The following RNF144A variants were observed in gnomAD, a reference collection of about 807,000 sequenced individuals.
RNF144A encodes the protein E3 ubiquitin-protein ligase RNF144A.
RNF144A carries 11 observed loss-of-function variants against 38.7 expected under a neutral mutation model. The ratio of observed to expected loss-of-function variants is 0.28; its 90% confidence interval spans 0.18 to 0.47. The LOEUF (loss-of-function observed/expected upper bound fraction) is 0.47. Ranked by LOEUF, RNF144A falls within the 20% of genes least tolerant of loss-of-function variation. The pLI is 0.99. For synonymous variants in RNF144A, 149 were observed against 143.9 expected (o/e 1.04, Z -0.25); for missense variants, 316 against 377.2 (o/e 0.84, Z 1.34).
At chr2:6,936,407 G>A (rs1302714025) in intron 1 of RNF144A, among the ~76,000 whole-genome samples, 3 of 152,134 alleles carry the variant, frequency 2.0e-5, no homozygotes, top group Admixed American at 2.0e-4. Flanking sequence ...GCATGTGTGT[G>A]TGTGTATAGA....
chr2:6,996,144 A>G (rs1572362955), intron 2 of RNF144A, among the ~76,000 whole-genome samples: 1 of 152,094 alleles, frequency 6.6e-6, no homozygotes, highest in African/African-American at 2.4e-5. Context: ...TTGGACGTCT[A>G]CCTTCTTTCC....
chr2:7,012,499 C>T (rs1670882851), intron 3 of RNF144A, among the ~76,000 whole-genome samples: 1 of 152,216 alleles, frequency 6.6e-6, no homozygotes, highest in South Asian at 2.1e-4. Flanking sequence ...CTGTCTGGCT[C>T]TGAAGCCTAC....
chr2:7,055,505 G>A, intron 6 of RNF144A, among the ~76,000 whole-genome samples: 1 of 152,066 alleles, frequency 6.6e-6, no homozygotes, highest in Non-Finnish European at 1.5e-5. Flanking sequence ...GACCTCTTTA[G>A]CACTCACACA....
At chr2:7,012,092 G>T (rs940696527) in intron 3 of RNF144A, among the ~76,000 whole-genome samples, 2 of 152,188 alleles carry the variant, frequency 1.3e-5, no homozygotes, top group African/African-American at 4.8e-5. Context: ...TATCCTGAGA[G>T]TCTTCAGCAT....
chr2:7,023,155 G>T (rs2103433323), intron 6 of RNF144A, among the ~76,000 whole-genome samples: 1 of 152,286 alleles, frequency 6.6e-6, no homozygotes, highest in East Asian at 1.9e-4. Flanking sequence ...AAGACTCTGT[G>T]CTCCTAATTA....
chr2:7,024,499 T>G lies in RNF144A; in HGVS notation c.640T>G (p.Cys214Gly), dbSNP rs746122486. ...KNCKHAFCWY[C>G]LESLDDDFLL... ...CTGCAAGCACGCCTTCTGCTGGTAC[T>G]GCCTGGAGTCTCTGGACGTGAGTAC... The change falls in exon 7 of 9, where the codon TGC (cysteine) becomes GGC (glycine). Residue 214 changes from cysteine to glycine, a missense_variant. Cys to Gly is a radical substitution (Grantham distance 159). Transcript: ENST00000320892. 6.2e-7 allele frequency: 1 copy of G among 1,609,638 alleles called. No homozygotes were observed. Among genetic ancestry groups the G allele is most frequent in the South Asian group, 1.1e-5 (1 of 91,002 alleles).
chr2:6,985,346 T>C (rs1221020874), intron 2 of RNF144A, among the ~76,000 whole-genome samples: 3 of 151,574 alleles, frequency 2.0e-5, no homozygotes, highest in African/African-American at 4.9e-5. Context: ...GGGCTTTGAT[T>C]ATTATTATTA....
At chr2:6,921,213 A>G (rs924595900) in intron 1 of RNF144A, among the ~76,000 whole-genome samples, 1 of 152,220 alleles carries the variant, frequency 6.6e-6, no homozygotes, top group African/African-American at 2.4e-5. Context: ...AAATAACCCA[A>G]GACCTGAATT....
chr2:7,026,810 G>A (rs919672912), intron 7 of RNF144A, among the ~76,000 whole-genome samples: 3 of 152,164 alleles, frequency 2.0e-5, no homozygotes, highest in African/African-American at 7.2e-5. Context: ...TCCCTGTCCA[G>A]CTCCACCCTA....
chr2:7,066,239 T>C (rs542029199), intron 6 of RNF144A, among the ~76,000 whole-genome samples: 3 of 151,904 alleles, frequency 2.0e-5, no homozygotes, highest in Non-Finnish European at 4.4e-5. Flanking sequence ...AGGCGCCCAC[T>C]ATCACGCCCA....
At chr2:6,927,686 G>A (rs1263022405) in intron 1 of RNF144A, among the ~76,000 whole-genome samples, 2 of 152,192 alleles carry the variant, frequency 1.3e-5, no homozygotes, top group East Asian at 3.8e-4. Flanking sequence ...GCTGTCAGTG[G>A]GTTTTGGGTG....
rs909411648 is a variant in RNF144A at position 7,043,213 on chromosome 2, A to G, written c.*3453A>G. ...AATGATCTTGACAACATATTATTCCATAAAACCAGTTTAGGGCACAGGCCA... is the reference window on the plus strand; with the variant it reads ...AATGATCTTGACAACATATTATTCCGTAAAACCAGTTTAGGGCACAGGCCA... On this transcript the variant is annotated 3_prime_UTR_variant, in exon 9 of 9. Transcript: ENST00000320892. 6.6e-5 allele frequency: 65 copies of G among 985,294 alleles called. No individual in the cohort carries two copies. The African/African-American group carries it at 9.8e-4, about 15-fold the overall frequency. The allele number at this position is 985,294 out of a possible 1,614,324, so 61.0% of individuals were successfully genotyped here. A position where few individuals can be genotyped will look rare whatever the true frequency, so the allele number is the denominator to read the frequency against.
intron 2 of RNF144A, among the ~76,000 whole-genome samples, chr2:6,965,807 G>C (rs1667633742): frequency 6.6e-6 from 1 of 152,044 alleles, no homozygotes; most frequent in Non-Finnish European, 1.5e-5. Context: ...TTGCTATGCT[G>C]TTTGTATTTG....
Position 6,983,638 on chromosome 2 carries a change from T to A in RNF144A, c.-11-13278T>A, listed in dbSNP as rs1349150408. On this transcript the variant is annotated intron_variant, in intron 2 of 8. Transcript: ENST00000320892. ...CTCACCCACTCTCCTGGAGGATTTC[T>A]GTCAGGAGTTTCCTGACTGTTTCTG... is the stretch of plus-strand genomic sequence containing the variant. 2.6e-5 allele frequency among the ~76,000 whole-genome samples: 4 copies of A among 152,350 alleles called. No individual in the cohort carries two copies. In the East Asian group the frequency reaches 7.7e-4, roughly 29 times the overall value.
At chr2:6,936,399 A>ATG (rs150277364) in intron 1 of RNF144A, among the ~76,000 whole-genome samples, 10 of 152,144 alleles carry the variant, frequency 6.6e-5, no homozygotes, top group African/African-American at 1.7e-4. Flanking sequence ...CTATAGATGC[A>ATG]TGTGTGTGTG....
rs1666230178 is a variant in RNF144A at position 6,944,802 on chromosome 2, A to C, written c.-12+3655A>C. ...TGGGAATCTGTCTCAAACAAATTCC[A>C]AGAACTGTGAAATGGCTTCATATTC... On this transcript the variant is annotated intron_variant, in intron 2 of 8. Coordinates refer to ENST00000320892, the MANE Select transcript of RNF144A (RefSeq NM_014746.6). The surrounding 1 kb of genome is among the most constrained non-coding windows in gnomAD (Gnocchi z 4.7). Among the ~76,000 whole-genome samples, 3 of 152,210 alleles carry C rather than the reference A, an allele frequency of 2.0e-5. No individual in the cohort carries two copies. The South Asian group carries it at 6.2e-4, about 32-fold the overall frequency.
chr2:7,029,252 A>T (rs1672119119), intron 7 of RNF144A, among the ~76,000 whole-genome samples: 1 of 152,166 alleles, frequency 6.6e-6, no homozygotes, highest in South Asian at 2.1e-4. Context: ...CATTTCCTTC[A>T]TTGATCAGGA....
chr2:7,030,273 G>T (rs967572643), intron 8 of RNF144A, 58 bp downstream of exon 8: 15 of 733,632 alleles, frequency 2.0e-5, no homozygotes, highest in Non-Finnish European at 3.1e-5. Context: ...GTGTGTGTGT[G>T]TGTGTGTGTG....
intron 6 of RNF144A, among the ~76,000 whole-genome samples, chr2:7,056,644 A>G (rs1336455334): frequency 6.6e-6 from 1 of 151,996 alleles, no homozygotes; most frequent in East Asian, 1.9e-4. Flanking sequence ...TATCCTCCCA[A>G]TGGCATTTCC....
Sources: allele counts gnomAD v4.1 joint callset (sites outside exome capture counted in the v4.1 genomes callset), GRCh38; gene constraint gnomAD v4.1.1; non-coding constraint Gnocchi (gnomAD v3.1); transcripts MANE v1.5; gene names NCBI Gene and HGNC (gene_info 2026-07-23, HGNC 2026-07-21).